SHOC1: variants seen among roughly 807,000 people sequenced by gnomAD.
SHOC1 encodes the protein shortage in chiasmata 1.
A neutral mutation model predicts 179.2 loss-of-function variants in SHOC1; 136 were observed. The observed-to-expected ratio is 0.76, with a 90% confidence interval of 0.66 to 0.87. SHOC1 has a LOEUF of 0.87. SHOC1 is among the 40% of genes least tolerant of loss of function. The probability of loss-of-function intolerance (pLI) is 0.00; values close to 1 mark genes in which losing one functional copy is unlikely to be tolerated. For missense variants in SHOC1, 1,538 were observed against 1,700.8 expected, an observed-to-expected ratio of 0.90 and a Z score of 1.68; for synonymous variants, 489 against 586.6, an observed-to-expected ratio of 0.83 and a Z score of 2.41.
chr9:111,768,953 T>C (rs1324675000), intron 5 of SHOC1, among the ~76,000 whole-genome samples: 1 of 152,240 alleles, frequency 6.6e-6, no homozygotes, highest in African/African-American at 2.4e-5. Flanking sequence ...ATGATGGTTT[T>C]TATCATAAAC....
intron 13 of SHOC1, among the ~76,000 whole-genome samples, chr9:111,724,335 A>G (rs1564127117): frequency 6.6e-6 from 1 of 151,156 alleles, no homozygotes; most frequent in Admixed American, 6.6e-5. Flanking sequence ...TAACCAGGCA[A>G]TTCTTTTTCT....
At chr9:111,712,783 T>C (rs1282470989) in intron 18 of SHOC1, among the ~76,000 whole-genome samples, 1 of 152,112 alleles carries the variant, frequency 6.6e-6, no homozygotes, top group Non-Finnish European at 1.5e-5. Flanking sequence ...GTTTCTTTAT[T>C]TGTAAAACTG....
At chr9:111,707,169 TAAC>T (rs1185422353) in intron 19 of SHOC1, among the ~76,000 whole-genome samples, 1 of 151,958 alleles carries the variant, frequency 6.6e-6, no homozygotes, top group African/African-American at 2.4e-5. Context: ...ATAAATGATT[TAAC>T]AACAACAAAA....
In SHOC1 at chr9:111,781,032, A is replaced by G. The variant is rs914496506; in HGVS notation, c.170-15T>C. 6 of 1,579,126 alleles carry G rather than the reference A, an allele frequency of 3.8e-6. No individual in the cohort carries two copies. The highest frequency in any genetic ancestry group is 4.3e-6 in the Non-Finnish European group (5 of 1,150,742). On this transcript the variant is annotated splice_polypyrimidine_tract_variant and intron_variant, in intron 3 of 27. Coordinates refer to ENST00000682961, the MANE Select transcript of SHOC1 (RefSeq NM_001378211.1). ...AACAGCTGAGACTAGAAAGGATAATAGTTAACATTAATGTCTAGAATTTTC... is the reference window on the plus strand; with the variant it reads ...AACAGCTGAGACTAGAAAGGATAATGGTTAACATTAATGTCTAGAATTTTC...
At position 111,706,730 on chromosome 9, in the gene SHOC1, C is replaced by T. The variant is rs1427986462; in HGVS notation, c.2575G>A (p.Val859Ile). The part of the protein sequence containing the change: ...GVLRGTSSCV[V>I]VHNQYIGADF... ...GCTCCAATATATTGATTATGTACAACTACACAGGAACTTGTACTAAAGACA... is the reference window on the plus strand; with the variant it reads ...GCTCCAATATATTGATTATGTACAATTACACAGGAACTTGTACTAAAGACA... The change falls in exon 20 of 28, where the codon GTT becomes ATT. Residue 859 changes from valine to isoleucine, a missense_variant. Val to Ile is a conservative substitution (Grantham distance 29, BLOSUM62 3). Transcript: ENST00000682961. 4 of 1,595,752 alleles carry T rather than the reference C, an allele frequency of 2.5e-6. No homozygotes were observed. In the East Asian group the frequency reaches 9.0e-5, roughly 36 times the overall value.
chr9:111,741,126 T>C (rs576521677), intron 11 of SHOC1, among the ~76,000 whole-genome samples: 9 of 152,270 alleles, frequency 5.9e-5, no homozygotes, highest in African/African-American at 1.7e-4. Context: ...ACTTTTAACA[T>C]TAGATGAGAT....
chr9:111,792,197 C>T (rs932875185), intron 1 of SHOC1, among the ~76,000 whole-genome samples: 1 of 152,090 alleles, frequency 6.6e-6, no homozygotes, highest in African/African-American at 2.4e-5. Context: ...TTCTCATTTA[C>T]TTGAGAACTC....
chr9:111,778,018 A>G (rs144543037), intron 4 of SHOC1, among the ~76,000 whole-genome samples: 1 of 152,312 alleles, frequency 6.6e-6, no homozygotes. Flanking sequence ...GTCTTTTTAA[A>G]ATAAATGTTG....
At chr9:111,737,260 G>A (rs1476074953) in intron 12 of SHOC1, among the ~76,000 whole-genome samples, 1 of 152,220 alleles carries the variant, frequency 6.6e-6, no homozygotes, top group African/African-American at 2.4e-5. Flanking sequence ...ACTCCTTGCT[G>A]ATAACAATTC....
rs1442678066 is a variant in SHOC1, at chr9:111,791,084, T to A, written c.45+290A>T. 3.9e-5 allele frequency among the ~76,000 whole-genome samples: 6 copies of A among 152,332 alleles called. No homozygotes were observed. The East Asian group carries it at 5.8e-4, about 15-fold the overall frequency. ...TGGTTAGTTCAGTGTACACAAACTT[T>A]GTTTCATGCACAGAGTTATTTAAAA... is the stretch of plus-strand genomic sequence containing the variant. On this transcript the variant is annotated intron_variant, in intron 2 of 27. Coordinates refer to ENST00000682961, the MANE Select transcript of SHOC1 (RefSeq NM_001378211.1).
chr9:111,707,256 A>G (rs747706975), intron 19 of SHOC1, among the ~76,000 whole-genome samples: 2 of 152,072 alleles, frequency 1.3e-5, no homozygotes, highest in Non-Finnish European at 2.9e-5. Flanking sequence ...CAAATCTCAT[A>G]AAACATACCA....
At chr9:111,792,944 C>A (rs1432433095) in intron 1 of SHOC1, among the ~76,000 whole-genome samples, 1 of 151,534 alleles carries the variant, frequency 6.6e-6, no homozygotes, top group Non-Finnish European at 1.5e-5. Context: ...GTGCAGTGGC[C>A]GGATCTCAGC....
At chr9:111,757,022 T>G (rs943787718) in intron 7 of SHOC1, among the ~76,000 whole-genome samples, 22 of 147,248 alleles carry the variant, frequency 1.5e-4, no homozygotes, top group Admixed American at 4.7e-4. Flanking sequence ...CATGTTAAAA[T>G]TTTTATTGTA....
chr9:111,694,965 T>C (rs1326515727), intron 24 of SHOC1, among the ~76,000 whole-genome samples: 1 of 152,094 alleles, frequency 6.6e-6, no homozygotes, highest in Non-Finnish European at 1.5e-5. Flanking sequence ...TAAATTTAAT[T>C]CTAAAAAATA....
intron 23 of SHOC1, 67 bp from the exon 24 acceptor site, chr9:111,700,114 T>G (rs1831899823): frequency 1.1e-6 from 1 of 896,548 alleles, no homozygotes; most frequent in South Asian, 1.9e-5. Context: ...AAAAATTCAT[T>G]TTGTTTTCCA....
chr9:111,687,857 G>A (rs79666487), intron 27 of SHOC1, among the ~76,000 whole-genome samples: 2,067 of 151,782 alleles, frequency 0.014, 45 homozygotes, highest in African/African-American at 0.047. Flanking sequence ...ACACCCTTTA[G>A]GGGGATATCA....
chr9:111,721,856 A>G (rs191088229), intron 15 of SHOC1, among the ~76,000 whole-genome samples: 2 of 152,214 alleles, frequency 1.3e-5, no homozygotes, highest in East Asian at 1.9e-4. Context: ...CAGCCTGCCA[A>G]TTCTTTCAAG....
At chr9:111,781,350 G>A (rs977069122) in intron 3 of SHOC1, among the ~76,000 whole-genome samples, 1 of 152,034 alleles carries the variant, frequency 6.6e-6, no homozygotes, top group African/African-American at 2.4e-5. Flanking sequence ...AACCATTCCA[G>A]CTCAAGCTGA....
At position 111,686,669 on chromosome 9, in the gene SHOC1, A is replaced by G. The variant is rs2131293096; in HGVS notation, c.*101T>C. On this transcript the variant is annotated 3_prime_UTR_variant, in exon 28 of 28. Transcript: ENST00000682961. Reference sequence around the variant, plus strand: ...AGAAATACTGAGACATATATGAACAATTGTGTTTTCTTTAGTGTATGAGCA... The same window carrying G: ...AGAAATACTGAGACATATATGAACAGTTGTGTTTTCTTTAGTGTATGAGCA... 1 of 729,208 alleles carries G rather than the reference A, an allele frequency of 1.4e-6. No homozygotes were observed. The highest frequency in any genetic ancestry group is 2.4e-6 in the Non-Finnish European group (1 of 415,728). 45.2% of individuals were successfully genotyped at this position (729,208 alleles called of 1,614,324 possible). A position where few individuals can be genotyped will look rare whatever the true frequency, so the allele number is the denominator to read the frequency against.
Sources: allele counts gnomAD v4.1 joint callset (sites outside exome capture counted in the v4.1 genomes callset), GRCh38; gene constraint gnomAD v4.1.1; transcripts MANE v1.5; gene names NCBI Gene and HGNC (gene_info 2026-07-23, HGNC 2026-07-21).